Variants in ITGA11 observed in about 807,000 individuals in gnomAD.
The protein encoded by ITGA11 is integrin subunit alpha 11.
In ITGA11, 97 loss-of-function variants were observed where a neutral mutation model predicts 141.9. That is an observed-to-expected ratio of 0.68 (90% CI 0.58 to 0.81). ITGA11 has a LOEUF of 0.81. ITGA11 is among the 30% of genes least tolerant of loss of function. The pLI, the probability that ITGA11 is intolerant of heterozygous loss-of-function variation, is 0.00. For synonymous variants in ITGA11, 658 were observed against 624.6 expected (o/e 1.05, Z -0.80); for missense variants, 1,387 against 1,559.2 (o/e 0.89, Z 1.86).
intron 9 of ITGA11, among the ~76,000 whole-genome samples, chr15:68,350,255 G>A (rs1894862444): frequency 1.3e-5 from 2 of 152,136 alleles, no homozygotes; most frequent in Admixed American, 6.5e-5. Flanking sequence ...CATGATATCA[G>A]CTCACTGCAA....
intron 1 of ITGA11, among the ~76,000 whole-genome samples, chr15:68,429,350 C>T (rs1355379067): frequency 1.3e-5 from 2 of 152,214 alleles, no homozygotes; most frequent in African/African-American, 2.4e-5. Flanking sequence ...TGGGGCCTGG[C>T]AGATAACAGG....
intron 10 of ITGA11, among the ~76,000 whole-genome samples, chr15:68,348,049 C>A (rs1894793305): frequency 6.6e-6 from 1 of 152,218 alleles, no homozygotes; most frequent in African/African-American, 2.4e-5. Context: ...ACATGACAAT[C>A]CTGGGCAGGA....
At chr15:68,355,439 C>T (rs1895040498) in intron 7 of ITGA11, among the ~76,000 whole-genome samples, 1 of 148,340 alleles carries the variant, frequency 6.7e-6, no homozygotes, top group Non-Finnish European at 1.5e-5. Flanking sequence ...CTAAATAGTT[C>T]TTTTTTTCTT....
chr15:68,336,773 G>T (rs1388669731), intron 11 of ITGA11, among the ~76,000 whole-genome samples: 1 of 152,196 alleles, frequency 6.6e-6, no homozygotes. Flanking sequence ...GCACGTGTGT[G>T]AGTGTGTGTG....
At chr15:68,357,493 G>A (rs577768471) in intron 6 of ITGA11, among the ~76,000 whole-genome samples, 194 bp from the exon 7 acceptor site, 53 of 152,344 alleles carry the variant, frequency 3.5e-4, no homozygotes, top group Admixed American at 2.5e-3. Context: ...TGAATGGACA[G>A]CTTGGTGGCA....
chr15:68,301,795 C>T lies in ITGA11; in HGVS notation c.*1264G>A, dbSNP rs1370020728. 2.6e-5 allele frequency: 4 copies of T among 152,586 alleles called. No homozygotes were observed. Among genetic ancestry groups the T allele is most frequent in the African/African-American group, 9.7e-5 (4 of 41,404 alleles). 9.5% of individuals were successfully genotyped at this position (152,586 alleles called of 1,614,324 possible). On this transcript the variant is annotated 3_prime_UTR_variant, in exon 30 of 30. Coordinates refer to ENST00000315757, the MANE Select transcript of ITGA11 (RefSeq NM_001004439.2). This position sits in a 1 kb window ranked among gnomAD's most constrained non-coding sequence, Gnocchi z 4.4. The stretch of plus-strand genomic sequence containing the variant: ...GGGACTGATGCCTTTCATGTGTCCC[C>T]CTTGCATTTCTACCTCAAAACAAGA...
rs369149065 is a variant in ITGA11, at chr15:68,381,442, T to TA, written c.165-12159dup. 7.7e-3 allele frequency among the ~76,000 whole-genome samples: 1,167 copies of TA among 152,202 alleles called. 21 individuals carry two copies. The highest frequency in any genetic ancestry group is 0.027 in the African/African-American group (1,108 of 41,508). On this transcript the variant is annotated intron_variant, in intron 2 of 29. Coordinates refer to ENST00000315757, the MANE Select transcript of ITGA11 (RefSeq NM_001004439.2). The stretch of plus-strand genomic sequence containing the variant: ...AAAGCACTTTATATGAATAAACAAA[T>TA]AAATGGATGCATGAATGAATATTCT...
chr15:68,331,187 C>T (rs1295991742), intron 14 of ITGA11, 76 bp from the exon 15 acceptor site: 4 of 1,346,432 alleles, frequency 3.0e-6, no homozygotes, highest in African/African-American at 1.4e-5. Context: ...GCAGCAGGAA[C>T]AATCAGGAAC....
chr15:68,389,788 G>A (rs1450487711), intron 2 of ITGA11, among the ~76,000 whole-genome samples: 1 of 152,116 alleles, frequency 6.6e-6, no homozygotes, highest in East Asian at 1.9e-4. Flanking sequence ...TGAGAGCTGA[G>A]GCTTCTCTTC....
At chr15:68,365,103 C>T (rs1895376402) in intron 3 of ITGA11, 6 of 970,512 alleles carry the variant, frequency 6.2e-6, no homozygotes, top group South Asian at 4.8e-5. Flanking sequence ...CCGACTGGAG[C>T]CCCACTTCCC....
Position 68,328,370 on chromosome 15 carries a change from T to C in ITGA11, c.1902-108A>G. 1.8e-6 allele frequency: 1 copy of C among 561,820 alleles called. No individual in the cohort carries two copies. The highest frequency in any genetic ancestry group is 2.5e-6 in the Non-Finnish European group (1 of 404,156). 34.8% of individuals were successfully genotyped at this position (561,820 alleles called of 1,614,324 possible). A position where few individuals can be genotyped will look rare whatever the true frequency, so the allele number is the denominator to read the frequency against. ...ATGCGAGTGGGATCTGCAAAGCCAC[T>C]GGAGGGGGTGAGGTGGAGGATGGAG... On this transcript the variant is annotated intron_variant, in intron 15 of 29. Coordinates refer to ENST00000315757, the MANE Select transcript of ITGA11 (RefSeq NM_001004439.2). This position sits in a 1 kb window ranked among gnomAD's most constrained non-coding sequence, Gnocchi z 4.8.
rs570665926 is a variant in ITGA11, at chr15:68,301,392, G to A, written c.*1667C>T. ...AAACCGGCCTGGAGAAGTCTGGGAG[G>A]CGTGAGAGGGAAGAGCTGGAACCAA... On this transcript the variant is annotated 3_prime_UTR_variant, in exon 30 of 30. Coordinates refer to ENST00000315757, the MANE Select transcript of ITGA11 (RefSeq NM_001004439.2). This position sits in a 1 kb window ranked among gnomAD's most constrained non-coding sequence, Gnocchi z 4.4. The A allele has an allele frequency of 1.3e-5, 2 of 152,552 alleles. No homozygotes were observed. The highest frequency in any genetic ancestry group is 4.8e-5 in the African/African-American group (2 of 41,584). The allele number at this position is 152,552 out of a possible 1,614,324, so 9.4% of individuals were successfully genotyped here.
chr15:68,327,753 T>G (rs991992712), intron 16 of ITGA11, among the ~76,000 whole-genome samples: 8 of 152,150 alleles, frequency 5.3e-5, no homozygotes, highest in Non-Finnish European at 1.2e-4. Flanking sequence ...GTAGGACTCC[T>G]GGGTCTGCAT....
chr15:68,335,819 A>G lies in ITGA11; in HGVS notation c.1303T>C (p.Ser435Pro). 6.2e-7 allele frequency: 1 copy of G among 1,613,376 alleles called. No homozygotes were observed. Among genetic ancestry groups the G allele is most frequent in the Non-Finnish European group, 8.5e-7 (1 of 1,179,634 alleles). Residue 435 changes from serine to proline, a missense_variant, in exon 12 of 30, where the codon TCC becomes CCC. Ser to Pro is a moderately conservative substitution (Grantham distance 74). Transcript: ENST00000315757. The surrounding 1 kb of genome is among the most constrained non-coding windows in gnomAD (Gnocchi z 4.9). Reference protein sequence around the residue: ...LGYTVTSVVSSRQGRVYVAGA... With the variant: ...LGYTVTSVVSPRQGRVYVAGA... Reference sequence around the variant, plus strand: ...GCCACGTACACCCGCCCCTGCCTGGAGGACACGACCGATGTGACTGTGTAC... The same window carrying G: ...GCCACGTACACCCGCCCCTGCCTGGGGGACACGACCGATGTGACTGTGTAC...
chr15:68,379,725 C>A (rs1184056959), intron 2 of ITGA11, among the ~76,000 whole-genome samples: 1 of 152,238 alleles, frequency 6.6e-6, no homozygotes, highest in Non-Finnish European at 1.5e-5. Flanking sequence ...AGATGCCTGA[C>A]AAACCCTTGC....
chr15:68,420,970 G>C, intron 1 of ITGA11, among the ~76,000 whole-genome samples: 1 of 152,264 alleles, frequency 6.6e-6, no homozygotes, highest in African/African-American at 2.4e-5. Flanking sequence ...CCGAGGCAAG[G>C]CCTCAATGGG....
chr15:68,411,711 G>A (rs62001431), intron 1 of ITGA11, among the ~76,000 whole-genome samples: 20,669 of 152,184 alleles, frequency 0.14, 1,811 homozygotes, highest in Middle Eastern at 0.2. Context: ...TTTACCATGG[G>A]ACTTTGTAAT....
intron 1 of ITGA11, among the ~76,000 whole-genome samples, chr15:68,425,990 C>T (rs1405332528): frequency 6.6e-6 from 1 of 152,260 alleles, no homozygotes; most frequent in Non-Finnish European, 1.5e-5. Context: ...ATCACCCAAG[C>T]CACAAGCTGG....
intron 19 of ITGA11, 83 bp from the exon 20 acceptor site, chr15:68,320,475 A>G (rs1295775978): frequency 1.6e-6 from 2 of 1,224,640 alleles, no homozygotes; most frequent in Admixed American, 4.2e-5. Flanking sequence ...TGGGGCAAAA[A>G]GGTGGGTCTG....
Sources: gnomAD v4.1 joint callset for allele counts (sites outside exome capture counted in the v4.1 genomes callset) on GRCh38, gnomAD v4.1.1 for gene constraint, Gnocchi (gnomAD v3.1) non-coding constraint, MANE v1.5 for transcripts, NCBI Gene and HGNC (gene_info 2026-07-23, HGNC 2026-07-21) for gene names.